Variants in NEBL observed in about 807,000 individuals in gnomAD.
NEBL encodes LIM and SH3 protein 2.
In NEBL, 122 loss-of-function variants were observed where a neutral mutation model predicts 140.2. The observed-to-expected ratio is 0.87, with a 90% CI of 0.75 to 1.01. The LOEUF is 1.01. NEBL is among the 50% of genes least tolerant of loss of function. The pLI is 0.00. For synonymous variants in NEBL, 436 were observed against 398.9 expected (o/e 1.09, Z -1.11); for missense variants, 1,365 against 1,231.3 (o/e 1.11, Z -1.62).
chr10:21,039,918 T>C (rs529483249), intron 2 of NEBL, among the ~76,000 whole-genome samples: 25 of 152,176 alleles, frequency 1.6e-4, no homozygotes, highest in Admixed American at 1.4e-3. Context: ...CCATGAAGAA[T>C]GGGAGGATGC....
At chr10:21,038,681 T>G (rs1022819147) in intron 2 of NEBL, among the ~76,000 whole-genome samples, 1 of 152,240 alleles carries the variant, frequency 6.6e-6, no homozygotes, top group African/African-American at 2.4e-5. Flanking sequence ...TATGTGTGCA[T>G]GAGTCTTTAT....
At chr10:21,087,920 C>T (rs543983999) in intron 2 of NEBL, among the ~76,000 whole-genome samples, 7 of 152,276 alleles carry the variant, frequency 4.6e-5, no homozygotes, top group African/African-American at 1.2e-4. Flanking sequence ...ATAGGCAAAT[C>T]GATTTCTGCC....
chr10:20,963,262 T>A (rs1260485276), intron 3 of NEBL, among the ~76,000 whole-genome samples: 1 of 152,178 alleles, frequency 6.6e-6, no homozygotes, highest in Non-Finnish European at 1.5e-5. Flanking sequence ...TGGCACATTC[T>A]CAGCGTTTAA....
At chr10:21,135,454 C>T (rs1360797861) in intron 2 of NEBL, among the ~76,000 whole-genome samples, 2 of 151,878 alleles carry the variant, frequency 1.3e-5, no homozygotes, top group African/African-American at 2.4e-5. Flanking sequence ...AAAAATCTGG[C>T]AATGATGCTT....
At chr10:21,158,259 T>A (rs1840411883) in intron 2 of NEBL, among the ~76,000 whole-genome samples, 1 of 152,212 alleles carries the variant, frequency 6.6e-6, no homozygotes, top group South Asian at 2.1e-4. Context: ...TCTTCCCCTT[T>A]CTAAAACTTG....
chr10:20,937,516 C>G (rs141655771), intron 4 of NEBL, among the ~76,000 whole-genome samples: 1 of 151,970 alleles, frequency 6.6e-6, no homozygotes, highest in Non-Finnish European at 1.5e-5. Flanking sequence ...GTGTGAGTGA[C>G]GCAGAAAACA....
chr10:21,246,979 C>T (rs1304019077), intron 3 of NEBL, among the ~76,000 whole-genome samples: 3 of 152,162 alleles, frequency 2.0e-5, no homozygotes, highest in Non-Finnish European at 4.4e-5. Flanking sequence ...GAATTTCCCC[C>T]TTGCTGTTCT....
intron 4 of NEBL, among the ~76,000 whole-genome samples, chr10:20,960,916 C>T (rs1223650228): frequency 4.6e-5 from 7 of 152,132 alleles, no homozygotes; most frequent in Non-Finnish European, 2.9e-5. Context: ...TGCCTGTTTG[C>T]TCATACTTTT....
intron 2 of NEBL, among the ~76,000 whole-genome samples, chr10:21,109,890 C>T (rs1391285892): frequency 1.3e-5 from 2 of 152,066 alleles, no homozygotes; most frequent in African/African-American, 4.8e-5. Flanking sequence ...TGATTCTTCT[C>T]TCTTATCTTC....
In NEBL at chr10:21,173,139, G is replaced by T. The variant is rs984363670; in HGVS notation, c.69+626C>A. On this transcript the variant is annotated intron_variant, in intron 1 of 6. Coordinates refer to the NEBL transcript ENST00000417816. This position sits in a 1 kb window ranked among gnomAD's most constrained non-coding sequence, Gnocchi z 5.7. ...GTTCATCTCCGTCCCTGCCCGGGAA[G>T]GGCAGGGGGCAGGGCTGGAGGGGCC... Among the ~76,000 whole-genome samples, 1 of 152,208 alleles carries T rather than the reference G, an allele frequency of 6.6e-6. No individual in the cohort carries two copies. Among genetic ancestry groups the T allele is most frequent in the African/African-American group, 2.4e-5 (1 of 41,460 alleles).
At chr10:21,259,338 T>G (rs967478725) in intron 1 of NEBL, among the ~76,000 whole-genome samples, 20 of 152,018 alleles carry the variant, frequency 1.3e-4, no homozygotes, top group Admixed American at 5.9e-4. Flanking sequence ...GCTGTGCCCA[T>G]CCCTACTTGG....
rs749310747 is a variant in NEBL, at chr10:21,020,233, A to G, written c.165-32T>C. 32 of 1,569,498 alleles carry G rather than the reference A, an allele frequency of 2.0e-5. No homozygotes were observed. In the South Asian group the frequency reaches 3.3e-4, roughly 16 times the overall value. On this transcript the variant is annotated intron_variant, in intron 2 of 6. Transcript: ENST00000417816. ...GGAAATTTTTTAAAAGGACATAATT[A>G]AAATATTGTGCTACAAAACAACACT...
At chr10:20,978,029 C>A (rs1836873762) in intron 3 of NEBL, among the ~76,000 whole-genome samples, 1 of 152,152 alleles carries the variant, frequency 6.6e-6, no homozygotes. Flanking sequence ...AACACACATC[C>A]TTTTAAAAAT....
chr10:21,253,702 C>G (rs182058540), intron 1 of NEBL, among the ~76,000 whole-genome samples: 1 of 152,002 alleles, frequency 6.6e-6, no homozygotes, highest in Non-Finnish European at 1.5e-5. Flanking sequence ...TGCTACCATG[C>G]CTGGCTAATT....
At position 21,173,986 on chromosome 10, in the gene NEBL, G is replaced by A. The variant is rs1841209124; in HGVS notation, c.-153C>T. 2.4e-6 allele frequency: 3 copies of A among 1,245,426 alleles called. No homozygotes were observed. The highest frequency in any genetic ancestry group is 3.0e-6 in the Non-Finnish European group (3 of 999,368). 77.1% of individuals were successfully genotyped at this position (1,245,426 alleles called of 1,614,324 possible). ...GGAGTCGGCGCCGGGCCACGGGTGAGTGCACGGGGAGGGCGACGGGGCCTG... is the reference window on the plus strand; with the variant it reads ...GGAGTCGGCGCCGGGCCACGGGTGAATGCACGGGGAGGGCGACGGGGCCTG... On this transcript the variant is annotated 5_prime_UTR_variant, in exon 1 of 7. Coordinates refer to the NEBL transcript ENST00000417816. The surrounding 1 kb of genome is among the most constrained non-coding windows in gnomAD (Gnocchi z 5.7).
intron 2 of NEBL, among the ~76,000 whole-genome samples, chr10:21,065,349 C>T (rs1835487753): frequency 1.3e-5 from 2 of 152,146 alleles, no homozygotes; most frequent in Admixed American, 6.5e-5. Context: ...CTTTGCAATA[C>T]TCTGGGAGAA....
chr10:21,190,499 C>A (rs1841554518), intron 3 of NEBL, among the ~76,000 whole-genome samples: 1 of 151,902 alleles, frequency 6.6e-6, no homozygotes, highest in South Asian at 2.1e-4. Flanking sequence ...AAAAAACAAC[C>A]AAAAAACCAT....
intron 2 of NEBL, among the ~76,000 whole-genome samples, chr10:21,094,148 G>A (rs1382462447): frequency 6.6e-6 from 1 of 152,094 alleles, no homozygotes; most frequent in African/African-American, 2.4e-5. Flanking sequence ...CTTGAGGTCA[G>A]GAGTTCAAGA....
chr10:20,978,165 C>G (rs143120150), intron 3 of NEBL, among the ~76,000 whole-genome samples: 1 of 152,088 alleles, frequency 6.6e-6, no homozygotes. Context: ...AAGACAGACC[C>G]GAAATGAGAT....
Sources: gnomAD v4.1 joint callset for allele counts (sites outside exome capture counted in the v4.1 genomes callset) on GRCh38, gnomAD v4.1.1 for gene constraint, Gnocchi (gnomAD v3.1) non-coding constraint, MANE v1.5 for transcripts, NCBI Gene and HGNC (gene_info 2026-07-23, HGNC 2026-07-21) for gene names.